Variants in NALF1 observed in about 807,000 individuals in gnomAD.
The protein encoded by NALF1 is NALCN channel auxiliary factor 1.
In NALF1, 3 loss-of-function variants were observed where a neutral mutation model predicts 48.4. That is an observed-to-expected ratio of 0.06 (90% CI 0.03 to 0.16). The LOEUF (loss-of-function observed/expected upper bound fraction) is 0.16. Among genes scored for constraint, NALF1 ranks in the 10% least tolerant of loss-of-function variants. The pLI, the probability that NALF1 is intolerant of heterozygous loss-of-function variation, is 1.00. For missense variants in NALF1, 526 were observed against 571.5 expected, an observed-to-expected ratio of 0.92 and a Z score of 0.81; for synonymous variants, 262 against 245.7, an observed-to-expected ratio of 1.07 and a Z score of -0.62.
At chr13:107,227,431 C>T (rs75693405) in intron 1 of NALF1, among the ~76,000 whole-genome samples, 1 of 152,140 alleles carries the variant, frequency 6.6e-6, no homozygotes, top group Non-Finnish European at 1.5e-5. Flanking sequence ...GTGGTAAACA[C>T]CAGGTCTATA....
chr13:107,298,526 G>T (rs1382071020), intron 1 of NALF1, among the ~76,000 whole-genome samples: 1 of 151,674 alleles, frequency 6.6e-6, no homozygotes, highest in Non-Finnish European at 1.5e-5. Flanking sequence ...CCGCCTCCCG[G>T]GTTCAAGTGA....
At chr13:107,690,657 G>C (rs913063069) in intron 1 of NALF1, among the ~76,000 whole-genome samples, 1 of 152,148 alleles carries the variant, frequency 6.6e-6, no homozygotes, top group African/African-American at 2.4e-5. Flanking sequence ...TTTTAGACTA[G>C]TTTACTAAAT....
intron 1 of NALF1, among the ~76,000 whole-genome samples, chr13:107,302,388 C>T (rs1000765538): frequency 3.9e-5 from 6 of 152,238 alleles, no homozygotes; most frequent in Non-Finnish European, 5.9e-5. Flanking sequence ...ATTTGAAGGC[C>T]TCAAATCTTA....
At chr13:107,250,060 A>G (rs974804797) in intron 1 of NALF1, among the ~76,000 whole-genome samples, 1 of 151,480 alleles carries the variant, frequency 6.6e-6, no homozygotes, top group Non-Finnish European at 1.5e-5. Context: ...TGATTCTCTA[A>G]ATCAACTGAT....
chr13:107,205,758 T>G (rs770494792), intron 2 of NALF1, among the ~76,000 whole-genome samples: 21 of 152,202 alleles, frequency 1.4e-4, no homozygotes, highest in Non-Finnish European at 3.1e-4. Flanking sequence ...CAGTAAATCA[T>G]GGCTGGTCTA....
chr13:107,316,457 C>T (rs1395637202), intron 1 of NALF1, among the ~76,000 whole-genome samples: 1 of 152,166 alleles, frequency 6.6e-6, no homozygotes, highest in Admixed American at 6.5e-5. Context: ...GTTCTAGATC[C>T]CTGAGGAATC....
At chr13:107,643,962 A>ATTT (rs35582790) in intron 1 of NALF1, among the ~76,000 whole-genome samples, 112 of 138,132 alleles carry the variant, frequency 8.1e-4, no homozygotes, top group Middle Eastern at 7.7e-3. Context: ...GTTTCAGATG[A>ATTT]TTTTTTTTTT....
chr13:107,334,403 C>T (rs1882520099), intron 1 of NALF1, among the ~76,000 whole-genome samples: 1 of 152,142 alleles, frequency 6.6e-6, no homozygotes, highest in Non-Finnish European at 1.5e-5. Flanking sequence ...TATTCTTTTC[C>T]AACCCCTCCT....
At chr13:107,728,806 T>C (rs941908447) in intron 1 of NALF1, among the ~76,000 whole-genome samples, 1 of 152,056 alleles carries the variant, frequency 6.6e-6, no homozygotes, top group African/African-American at 2.4e-5. Context: ...ATGGAGAAAA[T>C]GCTGTCTTCG....
intron 1 of NALF1, among the ~76,000 whole-genome samples, chr13:107,372,453 C>T (rs66612248): frequency 0.082 from 12,508 of 152,250 alleles, 554 homozygotes; most frequent in Non-Finnish European, 0.098. Flanking sequence ...CTCTCATAGT[C>T]CACAACTATT....
intron 1 of NALF1, among the ~76,000 whole-genome samples, chr13:107,819,184 C>T (rs1051264045): frequency 1.3e-5 from 2 of 151,594 alleles, no homozygotes; most frequent in African/African-American, 4.9e-5. Flanking sequence ...AAATATCTAC[C>T]AAATAAATAA....
intron 1 of NALF1, among the ~76,000 whole-genome samples, chr13:107,642,514 T>A (rs897148410): frequency 1.1e-4 from 17 of 152,218 alleles, no homozygotes; most frequent in Admixed American, 1.3e-4. Flanking sequence ...AAATGGTCTA[T>A]TTTGTTTATT....
intron 1 of NALF1, among the ~76,000 whole-genome samples, chr13:107,344,087 TA>T (rs1184889864): frequency 1.3e-5 from 2 of 151,964 alleles, no homozygotes; most frequent in Non-Finnish European, 2.9e-5. Context: ...TGGAATAGCC[TA>T]AAAAAATGGA....
chr13:107,379,722 T>C (rs939296559), intron 1 of NALF1, among the ~76,000 whole-genome samples: 3 of 152,216 alleles, frequency 2.0e-5, no homozygotes, highest in African/African-American at 7.2e-5. Flanking sequence ...AGAACCTTGT[T>C]TGATGAACTC....
At chr13:107,652,872 T>G (rs1003654622) in intron 1 of NALF1, among the ~76,000 whole-genome samples, 1 of 152,140 alleles carries the variant, frequency 6.6e-6, no homozygotes, top group Admixed American at 6.6e-5. Context: ...CTTTTCACAA[T>G]ATGGAAACAT....
intron 1 of NALF1, among the ~76,000 whole-genome samples, chr13:107,306,238 G>A (rs544157235): frequency 6.6e-6 from 1 of 152,106 alleles, no homozygotes; most frequent in Non-Finnish European, 1.5e-5. Flanking sequence ...AAAACAACAT[G>A]ATATGACTTC....
rs748696517 is a variant in NALF1, at chr13:107,170,129, T to C, written c.*368A>G. 3 of 197,364 alleles carry C rather than the reference T, an allele frequency of 1.5e-5. No individual in the cohort carries two copies. Among genetic ancestry groups the C allele is most frequent in the Non-Finnish European group, 3.2e-5 (3 of 94,352 alleles). The allele number at this position is 197,364 out of a possible 1,614,324, so 12.2% of individuals were successfully genotyped here. ...CAATGACTAGAAATATATAGAGAGA[T>C]AGAGACAGTGAAAAGACTTAGTTTA... On this transcript the variant is annotated 3_prime_UTR_variant, in exon 3 of 3. Transcript: ENST00000375915.
intron 1 of NALF1, among the ~76,000 whole-genome samples, chr13:107,617,685 A>G (rs1879416854): frequency 6.6e-6 from 1 of 152,206 alleles, no homozygotes; most frequent in African/African-American, 2.4e-5. Flanking sequence ...AAAGCAGCAT[A>G]GGCAGGACAA....
intron 1 of NALF1, among the ~76,000 whole-genome samples, chr13:107,554,173 G>A (rs563476061): frequency 2.6e-5 from 4 of 152,262 alleles, no homozygotes; most frequent in South Asian, 2.1e-4. Flanking sequence ...AGCTGAGCCC[G>A]GAGCCGAACT....
Sources: allele counts gnomAD v4.1 joint callset (sites outside exome capture counted in the v4.1 genomes callset), GRCh38; gene constraint gnomAD v4.1.1; transcripts MANE v1.5; gene names NCBI Gene and HGNC (gene_info 2026-07-23, HGNC 2026-07-21).